BCAS3: variants seen among roughly 807,000 people sequenced by gnomAD.
BCAS3 encodes the protein BCAS4/BCAS3 fusion.
A neutral mutation model predicts 116.1 loss-of-function variants in BCAS3; 53 were observed. The observed-to-expected ratio is 0.46, with a 90% CI of 0.37 to 0.57. The LOEUF (loss-of-function observed/expected upper bound fraction) is 0.57. Ranked by LOEUF, BCAS3 falls within the 20% of genes least tolerant of loss-of-function variation. BCAS3 has a pLI of 0.00. For synonymous variants in BCAS3, 391 were observed against 408.2 expected, an observed-to-expected ratio of 0.96 and a Z score of 0.51; for missense variants, 917 against 1,165.4, an observed-to-expected ratio of 0.79 and a Z score of 3.10.
At chr17:60,762,570 G>A (rs1245863250) in intron 6 of BCAS3, among the ~76,000 whole-genome samples, 4 of 152,038 alleles carry the variant, frequency 2.6e-5, no homozygotes, top group East Asian at 1.9e-4. Flanking sequence ...CTCTGTTTTG[G>A]TACCAGTACT....
chr17:61,100,481 A>C (rs746432723), intron 22 of BCAS3, among the ~76,000 whole-genome samples: 1 of 151,428 alleles, frequency 6.6e-6, no homozygotes, highest in Admixed American at 6.6e-5. Flanking sequence ...CTTTATTCCA[A>C]CTCACCCCCT....
rs1036652150 is a variant in BCAS3 at position 61,282,077 on chromosome 17, T to G, written c.2426-86250T>G. On this transcript the variant is annotated intron_variant, in intron 22 of 23. Transcript: ENST00000407086. This position sits in a 1 kb window ranked among gnomAD's most constrained non-coding sequence, Gnocchi z 5.9. ...AACTAGTTACTAGGTACCTGCCTCC[T>G]GCATTTTTGTGAATATCTAATAAGA... Among the ~76,000 whole-genome samples, 31 of 152,352 alleles carry G rather than the reference T, an allele frequency of 2.0e-4. No individual in the cohort carries two copies. The highest frequency in any genetic ancestry group is 7.5e-4 in the African/African-American group (31 of 41,594).
rs1429156594 is a variant in BCAS3, at chr17:60,799,735, T to TTTA, written c.404-8269_404-8268insTTA. Among the ~76,000 whole-genome samples, 595 of 100,554 alleles carry TTTA rather than the reference T, an allele frequency of 5.9e-3. 28 individuals are homozygous for TTTA. The highest frequency in any genetic ancestry group is 0.02 in the African/African-American group (570 of 28,778). The allele number at this position is 100,554 out of a possible 152,430, so 66.0% of individuals were successfully genotyped here. A position where few individuals can be genotyped will look rare whatever the true frequency, so the allele number is the denominator to read the frequency against. ...TTTTTTTTTTTTTTTTTTTTTTTTT[T>TTTA]AGTAGAACTGGGGTTTCACCATGTT... is the stretch of plus-strand genomic sequence containing the variant. On this transcript the variant is annotated intron_variant, in intron 6 of 23. Coordinates refer to ENST00000407086, the MANE Select transcript of BCAS3 (RefSeq NM_017679.5).
intron 7 of BCAS3, among the ~76,000 whole-genome samples, chr17:60,829,526 A>G (rs547522921): frequency 2.6e-5 from 4 of 151,446 alleles, no homozygotes; most frequent in Non-Finnish European, 5.9e-5. Flanking sequence ...AGGTAGTTAG[A>G]TAAAGTTGGA....
At chr17:61,119,311 A>G (rs1215112078) in intron 22 of BCAS3, among the ~76,000 whole-genome samples, 1 of 152,194 alleles carries the variant, frequency 6.6e-6, no homozygotes, top group Non-Finnish European at 1.5e-5. Context: ...CAAATAAAAT[A>G]CCAACAAACC....
intron 22 of BCAS3, among the ~76,000 whole-genome samples, chr17:61,260,039 T>C (rs2049064439): frequency 6.6e-6 from 1 of 152,256 alleles, no homozygotes; most frequent in South Asian, 2.1e-4. Context: ...GGTATTCTTA[T>C]GCCCATGTTA....
intron 7 of BCAS3, among the ~76,000 whole-genome samples, chr17:60,861,656 G>A (rs967658310): frequency 1.3e-5 from 2 of 152,008 alleles, no homozygotes; most frequent in Non-Finnish European, 2.9e-5. Flanking sequence ...TTATTTTGAG[G>A]TATGTTCCTT....
In BCAS3 at chr17:61,391,718, G is replaced by T. The variant is rs1013117312; in HGVS notation, c.2594-259G>T. The T allele has an allele frequency of 2.0e-6, 1 of 500,174 alleles. No individual in the cohort carries two copies. The highest frequency in any genetic ancestry group is 3.6e-6 in the Non-Finnish European group (1 of 277,524). 31.0% of individuals were successfully genotyped at this position (500,174 alleles called of 1,614,324 possible). ...ACATCGTCAGGGTGGCCGTGCTTCG[G>T]GCCTAAAGGGCTTCCCGCAGCAGGG... On this transcript the variant is annotated intron_variant, in intron 23 of 23. Coordinates refer to ENST00000407086, the MANE Select transcript of BCAS3 (RefSeq NM_017679.5). The surrounding 1 kb of genome is among the most constrained non-coding windows in gnomAD (Gnocchi z 7.7).
chr17:61,130,485 C>A lies in BCAS3; in HGVS notation c.2425+45921C>A, dbSNP rs549317867. Among the ~76,000 whole-genome samples, 1 of 152,262 alleles carries A rather than the reference C, an allele frequency of 6.6e-6. No homozygotes were observed. The highest frequency in any genetic ancestry group is 1.9e-4 in the East Asian group (1 of 5,178). The stretch of plus-strand genomic sequence containing the variant: ...ACCAAATCGGTCCCACAAACATAAG[C>A]CTCTCTAACCCTGCCACCTCCCCCA... On this transcript the variant is annotated intron_variant, in intron 22 of 23. Coordinates refer to ENST00000407086, the MANE Select transcript of BCAS3 (RefSeq NM_017679.5). This position sits in a 1 kb window ranked among gnomAD's most constrained non-coding sequence, Gnocchi z 5.0.
intron 22 of BCAS3, among the ~76,000 whole-genome samples, chr17:61,284,049 AC>A (rs761625471): frequency 4.3e-4 from 65 of 152,136 alleles, no homozygotes; most frequent in Non-Finnish European, 9.0e-4. Flanking sequence ...GACTTGGAGA[AC>A]TTTTCTGTCT....
rs778722592 is a variant in BCAS3, at chr17:60,814,298, T to TGC, written c.476+6223_476+6224insCG. ...GTGTGTGTGTGTGTGTGTGTGTGTG[T>TGC]GTGTGTGTGCGCGCGTGCCCATTGC... is the stretch of plus-strand genomic sequence containing the variant. On this transcript the variant is annotated intron_variant, in intron 7 of 23. Coordinates refer to ENST00000407086, the MANE Select transcript of BCAS3 (RefSeq NM_017679.5). 3.4e-3 allele frequency among the ~76,000 whole-genome samples: 391 copies of TGC among 115,110 alleles called. 3 individuals carry two copies. The East Asian group carries it at 0.048, about 14-fold the overall frequency. 75.5% of individuals were successfully genotyped at this position (115,110 alleles called of 152,430 possible).
intron 15 of BCAS3, among the ~76,000 whole-genome samples, chr17:61,000,928 A>G (rs2064193614): frequency 6.6e-6 from 1 of 152,086 alleles, no homozygotes; most frequent in African/African-American, 2.4e-5. Flanking sequence ...CCATTTCTTA[A>G]TTTTGCAAAT....
chr17:61,377,929 T>G lies in BCAS3; in HGVS notation c.2593+9435T>G, dbSNP rs2059413426. ...GTTCCAGTTATTAAGATCCTGCCGG[T>G]CTCCCATGGTCTGAAGGGTTGGAGT... On this transcript the variant is annotated intron_variant, in intron 23 of 23. Transcript: ENST00000407086. This position sits in a 1 kb window ranked among gnomAD's most constrained non-coding sequence, Gnocchi z 4.6. The G allele has an allele frequency of 6.6e-6, 1 of 152,224 alleles. No homozygotes were observed. Among genetic ancestry groups the G allele is most frequent in the African/African-American group, 2.4e-5 (1 of 41,458 alleles). The allele number at this position is 152,224 out of a possible 1,614,324, so 9.4% of individuals were successfully genotyped here.
At chr17:60,807,505 G>T (rs1266453923) in intron 6 of BCAS3, among the ~76,000 whole-genome samples, 14 of 152,172 alleles carry the variant, frequency 9.2e-5, no homozygotes, top group Admixed American at 7.9e-4. Context: ...GTTCAGGCTG[G>T]CCATTGTGGC....
rs138985519 is a variant in BCAS3, at chr17:60,961,185, G to C, written c.1221+13833G>C. 1.3e-5 allele frequency among the ~76,000 whole-genome samples: 2 copies of C among 152,256 alleles called. No individual in the cohort carries two copies. The highest frequency in any genetic ancestry group is 3.9e-4 in the East Asian group (2 of 5,176). The stretch of plus-strand genomic sequence containing the variant: ...CAGTAAGGGAGACATTTGAGGTCAG[G>C]GAGAAATTTTGAAAAACTTATATCA... On this transcript the variant is annotated intron_variant, in intron 14 of 23. Coordinates refer to ENST00000407086, the MANE Select transcript of BCAS3 (RefSeq NM_017679.5). The surrounding 1 kb of genome is among the most constrained non-coding windows in gnomAD (Gnocchi z 4.8).
At chr17:61,297,865 T>G (rs2053074204) in intron 22 of BCAS3, among the ~76,000 whole-genome samples, 1 of 152,228 alleles carries the variant, frequency 6.6e-6, no homozygotes, top group South Asian at 2.1e-4. Context: ...CCAAGTATTT[T>G]TCTTTCTCTA....
rs992525014 is a variant in BCAS3 at position 61,203,307 on chromosome 17, G to A, written c.2425+118743G>A. On this transcript the variant is annotated intron_variant, in intron 22 of 23. Coordinates refer to ENST00000407086, the MANE Select transcript of BCAS3 (RefSeq NM_017679.5). The surrounding 1 kb of genome is among the most constrained non-coding windows in gnomAD (Gnocchi z 5.7). The stretch of plus-strand genomic sequence containing the variant: ...CGAGTTGCTGGGATTACAGGTGCCC[G>A]ACACCACACCTGGCTAATTTTTGTA... Among the ~76,000 whole-genome samples, 4 of 151,926 alleles carry A rather than the reference G, an allele frequency of 2.6e-5. No individual in the cohort carries two copies. Among genetic ancestry groups the A allele is most frequent in the African/African-American group, 7.3e-5 (3 of 41,362 alleles).
At chr17:61,015,682 A>T (rs974721128) in intron 15 of BCAS3, 69 bp from the exon 16 acceptor site, 2 of 1,503,074 alleles carry the variant, frequency 1.3e-6, no homozygotes, top group East Asian at 4.5e-5. Context: ...TGAAAACCCT[A>T]TCGGAGATAG....
At chr17:61,166,549 C>T (rs1429450108) in intron 22 of BCAS3, among the ~76,000 whole-genome samples, 1 of 151,816 alleles carries the variant, frequency 6.6e-6, no homozygotes, top group African/African-American at 2.4e-5. Flanking sequence ...AGCCATGCAC[C>T]ACCATACCTG....
Sources: allele counts gnomAD v4.1 joint callset (sites outside exome capture counted in the v4.1 genomes callset), GRCh38; gene constraint gnomAD v4.1.1; non-coding constraint Gnocchi (gnomAD v3.1); transcripts MANE v1.5; gene names NCBI Gene and HGNC (gene_info 2026-07-23, HGNC 2026-07-21).